Variants in ASIC2 observed in about 807,000 individuals in gnomAD.
ASIC2 encodes the protein acid sensing ion channel subunit 2.
ASIC2 carries 25 observed loss-of-function variants against 57.3 expected under a neutral mutation model. That is an observed-to-expected ratio of 0.44 (90% CI 0.32 to 0.61). The LOEUF is 0.61. Ranked by LOEUF, ASIC2 falls within the 20% of genes least tolerant of loss-of-function variation. ASIC2 has a pLI of 0.06. For synonymous variants in ASIC2, 319 were observed against 307.5 expected, an observed-to-expected ratio of 1.04 and a Z score of -0.39; for missense variants, 641 against 738.1, an observed-to-expected ratio of 0.87 and a Z score of 1.52.
At chr17:33,510,946 AGAG>A (rs1220419469) in intron 1 of ASIC2, among the ~76,000 whole-genome samples, 1 of 152,234 alleles carries the variant, frequency 6.6e-6, no homozygotes, top group Non-Finnish European at 1.5e-5. Flanking sequence ...GTAAGGCCGT[AGAG>A]TCTGTTGTCT....
At chr17:33,119,210 G>A (rs1415365884) in intron 1 of ASIC2, among the ~76,000 whole-genome samples, 2 of 152,090 alleles carry the variant, frequency 1.3e-5, no homozygotes, top group African/African-American at 4.8e-5. Context: ...CTGGGTGATG[G>A]GTTTCTCATC....
intron 1 of ASIC2, among the ~76,000 whole-genome samples, chr17:33,445,452 A>G (rs1021439312): frequency 1.5e-4 from 23 of 151,906 alleles, no homozygotes; most frequent in Admixed American, 1.2e-3. Context: ...AAATTAAAAT[A>G]AATTAAAATA....
chr17:33,069,443 C>G (rs1262127506), intron 3 of ASIC2, among the ~76,000 whole-genome samples: 1 of 152,116 alleles, frequency 6.6e-6, no homozygotes, highest in Non-Finnish European at 1.5e-5. Flanking sequence ...TTTGAAGTCT[C>G]CAGGCATAAT....
At chr17:33,886,779 T>C (rs976522557) in intron 1 of ASIC2, among the ~76,000 whole-genome samples, 2 of 152,026 alleles carry the variant, frequency 1.3e-5, no homozygotes, top group African/African-American at 4.8e-5. Context: ...TTGACGTGTT[T>C]CCCTTGAAAC....
intron 1 of ASIC2, among the ~76,000 whole-genome samples, chr17:33,307,258 TC>T (rs1906217077): frequency 6.7e-6 from 1 of 149,910 alleles, no homozygotes; most frequent in Non-Finnish European, 1.5e-5. Context: ...TCCTCCTCCT[TC>T]TCTTCCTCCT....
intron 1 of ASIC2, among the ~76,000 whole-genome samples, chr17:33,322,722 T>C (rs990236867): frequency 3.3e-5 from 5 of 151,802 alleles, no homozygotes; most frequent in Admixed American, 6.6e-5. Context: ...ACAAAATGAA[T>C]AAGATGGACT....
chr17:33,992,785 C>T (rs1906041324), intron 1 of ASIC2, among the ~76,000 whole-genome samples: 1 of 152,220 alleles, frequency 6.6e-6, no homozygotes, highest in Admixed American at 6.5e-5. Flanking sequence ...TATATCCCCA[C>T]TGCCAAGCAT....
chr17:34,015,308 A>G (rs1567788710), intron 1 of ASIC2, among the ~76,000 whole-genome samples: 1 of 152,130 alleles, frequency 6.6e-6, no homozygotes, highest in Non-Finnish European at 1.5e-5. Flanking sequence ...TTTAAACCTC[A>G]TCACAGTCCA....
At chr17:33,529,770 A>T (rs761252997) in intron 1 of ASIC2, 1 of 152,222 alleles carries the variant, frequency 6.6e-6, no homozygotes, top group Non-Finnish European at 1.5e-5. Flanking sequence ...TCCCTTCCAC[A>T]TGAGGATTAA....
At chr17:33,094,991 C>T (rs1431892989) in intron 2 of ASIC2, among the ~76,000 whole-genome samples, 2 of 152,176 alleles carry the variant, frequency 1.3e-5, no homozygotes, top group Non-Finnish European at 2.9e-5. Context: ...GTTATTTAAT[C>T]TCTTGGAGCC....
intron 1 of ASIC2, among the ~76,000 whole-genome samples, chr17:34,122,566 G>A (rs1017146257): frequency 3.3e-5 from 5 of 152,244 alleles, no homozygotes; most frequent in Admixed American, 6.5e-5. Context: ...TGTGTCAGGG[G>A]AGGAGAGGAA....
intron 1 of ASIC2, among the ~76,000 whole-genome samples, chr17:33,659,804 G>A (rs1314825938): frequency 6.6e-6 from 1 of 151,704 alleles, no homozygotes; most frequent in African/African-American, 2.4e-5. Flanking sequence ...CCCAGGAGGC[G>A]AAGCTTGCAG....
rs558742303 is a variant in ASIC2 at position 33,493,088 on chromosome 17, C to T, written c.556-381021G>A. Among the ~76,000 whole-genome samples the T allele has an allele frequency of 3.9e-5, 6 of 152,312 alleles. No homozygotes were observed. In the South Asian group the frequency reaches 1.2e-3, roughly 32 times the overall value. ...GTAGCTACAGACTTCTTTAAACAAA[C>T]ACTTGAAGCATAAATACAGATGAGA... is the stretch of plus-strand genomic sequence containing the variant. On this transcript the variant is annotated intron_variant, in intron 1 of 9. Coordinates refer to the ASIC2 transcript ENST00000359872.
chr17:33,703,063 A>G (rs1347616314), intron 1 of ASIC2, among the ~76,000 whole-genome samples: 2 of 152,176 alleles, frequency 1.3e-5, no homozygotes, highest in African/African-American at 2.4e-5. Context: ...AGGGGATATG[A>G]AGAGTACAAA....
chr17:33,877,782 G>A (rs1454885951), intron 1 of ASIC2, among the ~76,000 whole-genome samples: 2 of 152,192 alleles, frequency 1.3e-5, no homozygotes, highest in Non-Finnish European at 2.9e-5. Flanking sequence ...GCACACAGCT[G>A]GAGATCTGAG....
At chr17:33,966,578 G>A (rs1187525197) in intron 1 of ASIC2, among the ~76,000 whole-genome samples, 1 of 152,226 alleles carries the variant, frequency 6.6e-6, no homozygotes, top group Non-Finnish European at 1.5e-5. Context: ...ATTACACTGT[G>A]TTGTTCACTA....
chr17:33,964,045 A>C (rs1905004655), intron 1 of ASIC2, among the ~76,000 whole-genome samples: 1 of 152,230 alleles, frequency 6.6e-6, no homozygotes, highest in African/African-American at 2.4e-5. Flanking sequence ...TGGAGCATAC[A>C]GGGCCCAACT....
chr17:33,285,009 T>C (rs1374949177), intron 1 of ASIC2, among the ~76,000 whole-genome samples: 1 of 152,202 alleles, frequency 6.6e-6, no homozygotes, highest in African/African-American at 2.4e-5. Context: ...GTGCTTAATG[T>C]GCATTGACTC....
intron 1 of ASIC2, among the ~76,000 whole-genome samples, chr17:33,409,980 C>T (rs1026495541): frequency 6.6e-6 from 1 of 152,202 alleles, no homozygotes; most frequent in African/African-American, 2.4e-5. Context: ...TCATTCTGGA[C>T]CCCTCAGCAG....
Sources: gnomAD v4.1 joint callset for allele counts (sites outside exome capture counted in the v4.1 genomes callset) on GRCh38, gnomAD v4.1.1 for gene constraint, MANE v1.5 for transcripts, NCBI Gene and HGNC (gene_info 2026-07-23, HGNC 2026-07-21) for gene names.